The following FARP1 variants were observed in gnomAD, a reference collection of about 807,000 sequenced individuals.
FARP1 encodes the protein FERM, ARH/RhoGEF and pleckstrin domain protein 1.
In FARP1, 52 loss-of-function variants were observed where a neutral mutation model predicts 128.8. That is an observed-to-expected ratio of 0.40 (90% CI 0.32 to 0.51). FARP1 has a LOEUF of 0.51. Ranked by LOEUF, FARP1 falls within the 20% of genes least tolerant of loss-of-function variation. FARP1 has a pLI of 0.45. For missense variants in FARP1, 1,333 were observed against 1,367.9 expected (o/e 0.97, Z 0.40); for synonymous variants, 580 against 551.8 (o/e 1.05, Z -0.72).
intron 1 of FARP1, among the ~76,000 whole-genome samples, chr13:98,185,563 T>C (rs1011554692): frequency 7.9e-5 from 12 of 152,190 alleles, no homozygotes; most frequent in Non-Finnish European, 1.6e-4. Flanking sequence ...ATGCTACCTT[T>C]CTTGATACCA....
At chr13:98,200,389 C>CT (rs964041838) in intron 1 of FARP1, among the ~76,000 whole-genome samples, 2 of 39,782 alleles carry the variant, frequency 5.0e-5, no homozygotes, top group African/African-American at 7.4e-5. Context: ...CAACCTTCAC[C>CT]CCCCCCCCCT....
intron 1 of FARP1, among the ~76,000 whole-genome samples, chr13:98,211,699 A>G (rs1005811022): frequency 3.3e-5 from 5 of 152,292 alleles, no homozygotes; most frequent in Admixed American, 2.0e-4. Flanking sequence ...TTTGAGACCA[A>G]CTTGAGTTCA....
intron 2 of FARP1, among the ~76,000 whole-genome samples, chr13:98,296,989 G>A (rs1885725108): frequency 6.6e-6 from 1 of 152,144 alleles, no homozygotes. Context: ...AAATGACACT[G>A]ATTTAAATGA....
At chr13:98,203,405 G>A (rs1262095881) in intron 1 of FARP1, among the ~76,000 whole-genome samples, 2 of 152,102 alleles carry the variant, frequency 1.3e-5, no homozygotes, top group South Asian at 2.1e-4. Context: ...GCTGTTGATC[G>A]AGCTCCGAAT....
chr13:98,213,412 C>T lies in FARP1; in HGVS notation c.170C>T (p.Pro57Leu). ...LDDTQEAFEVPQRAPGKVLLD... is the reference protein window; with the variant it reads ...LDDTQEAFEVLQRAPGKVLLD... ...GACACCCAGGAGGCATTTGAAGTTC[C>T]AGTAAGTTGGGGGCTTATCTGTAAC... Residue 57 changes from proline to leucine, a missense_variant and splice_region_variant, in exon 2 of 27, where the codon CCA becomes CTA. Physicochemically the swap from Pro to Leu is moderately conservative, Grantham distance 98. Coordinates refer to ENST00000319562, the MANE Select transcript of FARP1 (RefSeq NM_005766.4). 1 of 1,613,372 alleles carries T rather than the reference C, an allele frequency of 6.2e-7. No individual in the cohort carries two copies. The highest frequency in any genetic ancestry group is 8.5e-7 in the Non-Finnish European group (1 of 1,179,826).
chr13:98,213,345 C>T lies in FARP1; in HGVS notation c.103C>T (p.Pro35Ser). The change falls in exon 2 of 27, where the codon CCT becomes TCT. Residue 35 changes from proline to serine, a missense_variant. Coordinates refer to ENST00000319562, the MANE Select transcript of FARP1 (RefSeq NM_005766.4). The stretch of plus-strand genomic sequence containing the variant: ...ACGTGGACAGAAGCCGCCCCCAACA[C>T]CTTCAGGAAAACTCGTGTCCATCAA... Reference protein sequence around the residue: ...LERGQKPPPTPSGKLVSIKIQ... With the variant: ...LERGQKPPPTSSGKLVSIKIQ... 2 of 1,614,140 alleles carry T rather than the reference C, an allele frequency of 1.2e-6. No individual in the cohort carries two copies. The highest frequency in any genetic ancestry group is 1.7e-6 in the Non-Finnish European group (2 of 1,180,006).
intron 2 of FARP1, among the ~76,000 whole-genome samples, chr13:98,247,829 C>G (rs936163817): frequency 1.8e-4 from 27 of 152,156 alleles, no homozygotes; most frequent in African/African-American, 6.5e-4. Flanking sequence ...AGAAGGAGGC[C>G]TCTTCACAAA....
intron 2 of FARP1, among the ~76,000 whole-genome samples, chr13:98,316,961 C>CT (rs1239160559): frequency 2.0e-5 from 3 of 152,188 alleles, no homozygotes; most frequent in African/African-American, 7.2e-5. Context: ...GAAGGAACAC[C>CT]TGTGAGGCTG....
intron 1 of FARP1, among the ~76,000 whole-genome samples, chr13:98,154,266 T>G (rs1876338064): frequency 6.6e-6 from 1 of 152,234 alleles, no homozygotes; most frequent in Admixed American, 6.5e-5. Context: ...ATGGATGAAG[T>G]TTGATTTCTC....
intron 19 of FARP1, among the ~76,000 whole-genome samples, chr13:98,438,101 A>G (rs1984603): frequency 0.076 from 11,586 of 152,192 alleles, 480 homozygotes; most frequent in Middle Eastern, 0.11. Context: ...CAATTTAAAA[A>G]TGATCATTTT....
intron 2 of FARP1, among the ~76,000 whole-genome samples, chr13:98,247,097 C>T (rs1883108129): frequency 6.6e-6 from 1 of 152,186 alleles, no homozygotes; most frequent in Non-Finnish European, 1.5e-5. Flanking sequence ...CGTGATGGCG[C>T]ATGCCTGTAA....
chr13:98,308,811 G>GCTACCCGAGTA (rs1420405379), intron 2 of FARP1, among the ~76,000 whole-genome samples: 1 of 151,920 alleles, frequency 6.6e-6, no homozygotes, highest in Non-Finnish European at 1.5e-5. Flanking sequence ...TGGTACCACA[G>GCTACCCGAGTA]GCATGCCACC....
chr13:98,291,650 T>C (rs375910307), intron 2 of FARP1, among the ~76,000 whole-genome samples: 2 of 152,156 alleles, frequency 1.3e-5, no homozygotes, highest in African/African-American at 4.8e-5. Context: ...CAAGATTCCA[T>C]GTCCTGGTGC....
chr13:98,154,801 C>G (rs73564670), intron 1 of FARP1, among the ~76,000 whole-genome samples: 5,484 of 152,248 alleles, frequency 0.036, 309 homozygotes, highest in African/African-American at 0.12. Flanking sequence ...CACATTACCC[C>G]CAAAGCTGAG....
chr13:98,163,002 C>T (rs1876992571), intron 1 of FARP1, among the ~76,000 whole-genome samples: 1 of 152,112 alleles, frequency 6.6e-6, no homozygotes, highest in Non-Finnish European at 1.5e-5. Context: ...AGTCATTCTA[C>T]CATAAGGACA....
intron 2 of FARP1, among the ~76,000 whole-genome samples, chr13:98,297,305 C>G (rs1279536137): frequency 1.3e-5 from 2 of 152,170 alleles, no homozygotes; most frequent in East Asian, 3.9e-4. Flanking sequence ...TGCCCATGAA[C>G]TTTTATTATG....
At chr13:98,219,836 T>C (rs1881309332) in intron 2 of FARP1, among the ~76,000 whole-genome samples, 1 of 151,952 alleles carries the variant, frequency 6.6e-6, no homozygotes, top group Non-Finnish European at 1.5e-5. Context: ...TAGCTATTTT[T>C]TTTTTACTTT....
intron 16 of FARP1, 119 bp downstream of exon 16, chr13:98,412,153 C>A: frequency 2.2e-6 from 2 of 925,864 alleles, no homozygotes; most frequent in East Asian, 2.5e-5. Context: ...AACTGGCTTA[C>A]AACAAGTCAG....
intron 2 of FARP1, among the ~76,000 whole-genome samples, chr13:98,316,729 G>A (rs1025427463): frequency 6.6e-6 from 1 of 152,222 alleles, no homozygotes. Flanking sequence ...TCCGTCATGG[G>A]GAGATTTTGC....
Sources: allele counts gnomAD v4.1 joint callset (sites outside exome capture counted in the v4.1 genomes callset), GRCh38; gene constraint gnomAD v4.1.1; transcripts MANE v1.5; gene names NCBI Gene and HGNC (gene_info 2026-07-23, HGNC 2026-07-21).